The following CSRNP2 variants were observed in gnomAD, a reference collection of about 807,000 sequenced individuals.
The protein encoded by CSRNP2 is cysteine and serine rich nuclear protein 2.
Under a neutral mutation model 36.6 loss-of-function variants are expected in CSRNP2, and 11 were observed. That is an observed-to-expected ratio of 0.30 (90% CI 0.19 to 0.50). The LOEUF (loss-of-function observed/expected upper bound fraction) is 0.50. Ranked by LOEUF, CSRNP2 falls within the 20% of genes least tolerant of loss-of-function variation. CSRNP2 has a pLI of 0.98. For synonymous variants in CSRNP2, 248 were observed against 275.3 expected (o/e 0.90, Z 0.98); for missense variants, 483 against 691.4 (o/e 0.70, Z 3.38).
At chr12:51,080,575 A>C (rs1939600062) in intron 1 of CSRNP2, among the ~76,000 whole-genome samples, 1 of 152,222 alleles carries the variant, frequency 6.6e-6, no homozygotes, top group Non-Finnish European at 1.5e-5. Flanking sequence ...AAGCTGTCTG[A>C]GAATAACTGG....
At chr12:51,077,197 A>G (rs1939437101) in intron 1 of CSRNP2, among the ~76,000 whole-genome samples, 1 of 152,174 alleles carries the variant, frequency 6.6e-6, no homozygotes, top group Admixed American at 6.6e-5. Context: ...CTCCTGCCTC[A>G]GCCTCCAGAG....
chr12:51,064,567 G>A lies in CSRNP2; in HGVS notation c.811C>T (p.His271Tyr). The change falls in exon 5 of 5, where the codon CAC (histidine) becomes TAC (tyrosine). Residue 271 changes from histidine to tyrosine, a missense_variant. By Grantham distance (83) the His-to-Tyr change is moderately conservative. Around this residue, in one of 2 missense-constraint regions of CSRNP2, gnomAD observed 206 missense variants for 367.8 expected, o/e 0.56. Transcript: ENST00000228515. ...TCCAGCTCCAGCTTCATAATGGTGT[G>A]GAGGTAATGAGTCCGGACCCGGATT... is the stretch of plus-strand genomic sequence containing the variant. ...NPIRVRTHYLHTIMKLELESK... is the reference protein window; with the variant it reads ...NPIRVRTHYLYTIMKLELESK... 1 of 1,612,604 alleles carries A rather than the reference G, an allele frequency of 6.2e-7. No homozygotes were observed. The highest frequency in any genetic ancestry group is 8.5e-7 in the Non-Finnish European group (1 of 1,179,238).
At chr12:51,074,369 G>C (rs958934219) in intron 2 of CSRNP2, among the ~76,000 whole-genome samples, 1 of 152,078 alleles carries the variant, frequency 6.6e-6, no homozygotes, top group African/African-American at 2.4e-5. Context: ...CGCCCGCCCC[G>C]GCCTCCCAAA....
intron 3 of CSRNP2, among the ~76,000 whole-genome samples, chr12:51,071,174 C>T (rs1256274431): frequency 1.3e-5 from 2 of 151,220 alleles, no homozygotes; most frequent in East Asian, 2.0e-4. Context: ...GCACAAGAAT[C>T]GCTTGAACCT....
chr12:51,064,318 C>G lies in CSRNP2; in HGVS notation c.1060G>C (p.Glu354Gln). Residue 354 changes from glutamate to glutamine, a missense_variant, in exon 5 of 5, where the codon GAG becomes CAG. Glu to Gln is a conservative substitution (Grantham distance 29). This residue lies in a region of CSRNP2 where 277 missense variants were observed against 323.6 expected (regional missense o/e 0.86). Transcript: ENST00000228515. ...TCTAGGATGCACACACCCAGGCTCTCGATGCTCGAGTCCAGGCTGGCACTA... is the reference window on the plus strand; with the variant it reads ...TCTAGGATGCACACACCCAGGCTCTGGATGCTCGAGTCCAGGCTGGCACTA... ...GSSASLDSSIESLGVCILEEP... is the reference protein window; with the variant it reads ...GSSASLDSSIQSLGVCILEEP... 6.2e-7 allele frequency: 1 copy of G among 1,614,040 alleles called. No homozygotes were observed. Among genetic ancestry groups the G allele is most frequent in the Non-Finnish European group, 8.5e-7 (1 of 1,179,974 alleles).
intron 1 of CSRNP2, among the ~76,000 whole-genome samples, chr12:51,077,491 T>C (rs1939446584): frequency 6.6e-6 from 1 of 152,088 alleles, no homozygotes; most frequent in South Asian, 2.1e-4. Context: ...TATTTTAGAG[T>C]GCAAATAATG....
At position 51,067,549 on chromosome 12, in the gene CSRNP2, A is replaced by C; in HGVS notation, c.708+124T>G. ...TCTGTTGACGGAGGAGGGTTGTGGA[A>C]CTGGAGAGTGTTCACAACCATAGGG... is the stretch of plus-strand genomic sequence containing the variant. On this transcript the variant is annotated intron_variant, in intron 4 of 4. Transcript: ENST00000228515. The surrounding 1 kb of genome is among the most constrained non-coding windows in gnomAD (Gnocchi z 4.1). The C allele has an allele frequency of 2.3e-6, 2 of 880,708 alleles. No individual in the cohort carries two copies. Among genetic ancestry groups the C allele is most frequent in the Non-Finnish European group, 3.5e-6 (2 of 567,778 alleles). The allele number at this position is 880,708 out of a possible 1,614,324, so 54.6% of individuals were successfully genotyped here. A position where few individuals can be genotyped will look rare whatever the true frequency, so the allele number is the denominator to read the frequency against.
chr12:51,073,769 G>T, intron 3 of CSRNP2, 54 bp downstream of exon 3: 90 of 1,500,298 alleles, frequency 6.0e-5, no homozygotes, highest in Middle Eastern at 2.2e-4. Flanking sequence ...ACCAACCAAT[G>T]AACCTAAATG....
At position 51,063,516 on chromosome 12, in the gene CSRNP2, C is replaced by T. The variant is rs796949786; in HGVS notation, c.*230G>A. The T allele has an allele frequency of 5.7e-5, 20 of 350,030 alleles. No individual in the cohort carries two copies. Among genetic ancestry groups the T allele is most frequent in the African/African-American group, 3.7e-4 (18 of 48,666 alleles). 21.7% of individuals were successfully genotyped at this position (350,030 alleles called of 1,614,324 possible). ...CCAGAAAGCTTAATGTTCAGCACTA[C>T]GCAGCTTTCTTTGCCCCAAGACTAT... On this transcript the variant is annotated 3_prime_UTR_variant, in exon 5 of 5. Coordinates refer to ENST00000228515, the MANE Select transcript of CSRNP2 (RefSeq NM_030809.3).
intron 2 of CSRNP2, 147 bp from the exon 3 acceptor site, chr12:51,074,229 T>C: frequency 2.3e-6 from 2 of 872,550 alleles, no homozygotes; most frequent in Admixed American, 3.0e-5. Flanking sequence ...GCAATTCTCC[T>C]GCCTCAGCCT....
At chr12:51,070,076 C>T (rs569590973) in intron 3 of CSRNP2, among the ~76,000 whole-genome samples, 2 of 151,964 alleles carry the variant, frequency 1.3e-5, no homozygotes, top group Admixed American at 6.6e-5. Flanking sequence ...CAAGCCGTGG[C>T]TGAAAGAGTT....
At chr12:51,073,780 G>T (rs749730497) in intron 3 of CSRNP2, 43 bp downstream of exon 3, 2 of 1,564,140 alleles carry the variant, frequency 1.3e-6, no homozygotes, top group African/African-American at 1.4e-5. Context: ...AACCTAAATG[G>T]TTTCCTACAT....
chr12:51,077,071 A>G (rs2136922182), intron 1 of CSRNP2, among the ~76,000 whole-genome samples: 1 of 151,890 alleles, frequency 6.6e-6, no homozygotes, highest in Admixed American at 6.6e-5. Context: ...GGAAAAAAAG[A>G]AAAGCAGAAT....
At chr12:51,079,680 G>A (rs1277401241) in intron 1 of CSRNP2, among the ~76,000 whole-genome samples, 1 of 148,824 alleles carries the variant, frequency 6.7e-6, no homozygotes, top group Non-Finnish European at 1.5e-5. Context: ...GCTGTGGCAG[G>A]AGAATCGCTT....
chr12:51,062,685 C>T lies in CSRNP2; in HGVS notation c.*1061G>A, dbSNP rs375191968. On this transcript the variant is annotated 3_prime_UTR_variant, in exon 5 of 5. Transcript: ENST00000228515. ...CTGGAACAGTATAAGAACTCTAACC[C>T]GCTATGTTGAAAACGACCATGAGGG... 23 of 152,046 alleles carry T rather than the reference C, an allele frequency of 1.5e-4. No homozygotes were observed. The highest frequency in any genetic ancestry group is 7.7e-4 in the East Asian group (4 of 5,198). The allele number at this position is 152,046 out of a possible 1,614,324, so 9.4% of individuals were successfully genotyped here.
chr12:51,073,816 T>C lies in CSRNP2; in HGVS notation c.411+7A>G, dbSNP rs367941053. The stretch of plus-strand genomic sequence containing the variant: ...GGACAGCAGTAGATCCCAGAACACT[T>C]AGGCACCTTCATTTTCTTGGCATGG... On this transcript the variant is annotated splice_region_variant and intron_variant, in intron 3 of 4. Transcript: ENST00000228515. The C allele has an allele frequency of 6.2e-7, 1 of 1,613,060 alleles. No homozygotes were observed. Among genetic ancestry groups the C allele is most frequent in the South Asian group, 1.1e-5 (1 of 91,014 alleles).
chr12:51,063,886 CTTCATT>C lies in CSRNP2; in HGVS notation c.1486_1491del (p.Asn496_Glu497del). 6.2e-7 allele frequency: 1 copy of C among 1,614,044 alleles called. No homozygotes were observed. The highest frequency in any genetic ancestry group is 8.5e-7 in the Non-Finnish European group (1 of 1,179,988). ...GAGGGGGACCAGGAAGGGTGGAAGTCTTCATTTTCAGGCTCCTCAGGGTTACAATCT... is the reference window on the plus strand; with the variant it reads ...GAGGGGGACCAGGAAGGGTGGAAGTCTTCAGGCTCCTCAGGGTTACAATCT... On this transcript the variant is annotated inframe_deletion, in exon 5 of 5. Coordinates refer to ENST00000228515, the MANE Select transcript of CSRNP2 (RefSeq NM_030809.3).
chr12:51,068,783 GA>G (rs1325872321), intron 3 of CSRNP2, among the ~76,000 whole-genome samples: 3 of 149,474 alleles, frequency 2.0e-5, no homozygotes, highest in Non-Finnish European at 3.0e-5. Flanking sequence ...CTACCTTCTT[GA>G]AAAAAAAAGG....
rs577382692 is a variant in CSRNP2 at position 51,066,377 on chromosome 12, C to T, written c.708+1296G>A. On this transcript the variant is annotated intron_variant, in intron 4 of 4. Transcript: ENST00000228515. ...CTGAGGCAGGAGAATTGCTTGAACCCGGGAGGCAGAGGTTGCAGCGAGCCG... is the reference window on the plus strand; with the variant it reads ...CTGAGGCAGGAGAATTGCTTGAACCTGGGAGGCAGAGGTTGCAGCGAGCCG... 8.0e-5 allele frequency among the ~76,000 whole-genome samples: 12 copies of T among 149,550 alleles called. No homozygotes were observed. The South Asian group carries it at 1.7e-3, about 21-fold the overall frequency.
Sources: gnomAD v4.1 joint callset for allele counts (sites outside exome capture counted in the v4.1 genomes callset) on GRCh38, gnomAD v4.1.1 for gene constraint, gnomAD v4.1.1 regional missense constraint, Gnocchi (gnomAD v3.1) non-coding constraint, MANE v1.5 for transcripts, NCBI Gene and HGNC (gene_info 2026-07-23, HGNC 2026-07-21) for gene names.